XRCC4: variants seen among roughly 807,000 people sequenced by gnomAD.
XRCC4 encodes X-ray repair cross complementing 4, also known as DNA repair protein XRCC4.
Under a neutral mutation model 39.1 loss-of-function variants are expected in XRCC4, and 28 were observed. The ratio of observed to expected loss-of-function variants is 0.72; its 90% CI spans 0.53 to 0.98. The LOEUF (loss-of-function observed/expected upper bound fraction) is 0.98, where lower values mean the gene tolerates loss of function less well. XRCC4 is among the 50% of genes least tolerant of loss of function. The probability of loss-of-function intolerance (pLI) is 0.00; values close to 1 mark genes in which losing one functional copy is unlikely to be tolerated. For synonymous variants in XRCC4, 123 were observed against 126.4 expected (o/e 0.97, Z 0.18); for missense variants, 350 against 376.4 (o/e 0.93, Z 0.58).
rs149944278 is a variant in XRCC4, at chr5:83,096,679, A to G, written c.-10-8231A>G. ...CAGAATTCTTATTGTAGGTGTACACATATAATTTTGGAAACTTTATACCCA... is the reference window on the plus strand; with the variant it reads ...CAGAATTCTTATTGTAGGTGTACACGTATAATTTTGGAAACTTTATACCCA... On this transcript the variant is annotated intron_variant, in intron 1 of 7. Coordinates refer to ENST00000396027, the MANE Select transcript of XRCC4 (RefSeq NM_003401.5). Among the ~76,000 whole-genome samples the G allele has an allele frequency of 7.2e-4, 110 of 152,290 alleles. No homozygotes were observed. In the East Asian group the frequency reaches 0.02, roughly 28 times the overall value.
intron 7 of XRCC4, among the ~76,000 whole-genome samples, chr5:83,339,654 T>C (rs1756697171): frequency 6.6e-6 from 1 of 152,044 alleles, no homozygotes; most frequent in African/African-American, 2.4e-5. Context: ...GCTGTAGAAT[T>C]ATCCTTAGTC....
At chr5:83,365,436 C>T in the XRCC4 span, among the ~76,000 whole-genome samples, 2 of 152,138 alleles carry the variant, frequency 1.3e-5, no homozygotes, top group African/African-American at 2.4e-5. Context: ...AAATGTTTTA[C>T]GACTGCTTCA....
intron 7 of XRCC4, among the ~76,000 whole-genome samples, chr5:83,301,405 AC>A (rs1205448857): frequency 6.6e-6 from 1 of 151,908 alleles, no homozygotes; most frequent in Non-Finnish European, 1.5e-5. Flanking sequence ...CATATCCTTC[AC>A]CCACTTTTTG....
chr5:83,091,435 A>G (rs1436854881), intron 1 of XRCC4, among the ~76,000 whole-genome samples: 1 of 152,134 alleles, frequency 6.6e-6, no homozygotes, highest in Non-Finnish European at 1.5e-5. Flanking sequence ...ATCACCTCCC[A>G]CCAGGTCCTA....
intron 6 of XRCC4, among the ~76,000 whole-genome samples, chr5:83,220,535 G>C (rs779171651): frequency 1.3e-5 from 2 of 152,106 alleles, no homozygotes; most frequent in African/African-American, 2.4e-5. Context: ...ACTTAACTCT[G>C]AGGGCCTGGG....
intron 3 of XRCC4, among the ~76,000 whole-genome samples, chr5:83,147,141 C>T (rs1353188406): frequency 6.6e-6 from 1 of 152,082 alleles, no homozygotes; most frequent in African/African-American, 2.4e-5. Context: ...TGGGTAGAAT[C>T]CATGGGGTGT....
intron 3 of XRCC4, among the ~76,000 whole-genome samples, chr5:83,150,089 T>C (rs1050234579): frequency 6.6e-6 from 1 of 152,190 alleles, no homozygotes; most frequent in African/African-American, 2.4e-5. Flanking sequence ...TTTAATCTTC[T>C]ATTCGTGGCT....
chr5:83,188,007 T>A (rs945645246), intron 3 of XRCC4, among the ~76,000 whole-genome samples: 1 of 152,174 alleles, frequency 6.6e-6, no homozygotes, highest in African/African-American at 2.4e-5. Context: ...AGGGTGTTTT[T>A]TGTTTTGTTT....
intron 7 of XRCC4, among the ~76,000 whole-genome samples, chr5:83,260,992 A>G (rs1055163393): frequency 6.6e-6 from 1 of 151,678 alleles, no homozygotes; most frequent in East Asian, 1.9e-4. Flanking sequence ...ACCCTACTGT[A>G]TAATGCCTCC....
chr5:83,362,052 T>C, the XRCC4 span, among the ~76,000 whole-genome samples: 1 of 152,058 alleles, frequency 6.6e-6, no homozygotes, highest in South Asian at 2.1e-4. Flanking sequence ...CAAATAGTCA[T>C]GTAACATGTT....
intron 3 of XRCC4, among the ~76,000 whole-genome samples, chr5:83,184,389 A>C (rs1750341511): frequency 6.6e-6 from 1 of 152,030 alleles, no homozygotes; most frequent in Non-Finnish European, 1.5e-5. Context: ...CTATTTCATC[A>C]AATAAATTTA....
At chr5:83,208,327 C>A (rs1033704335) in intron 6 of XRCC4, among the ~76,000 whole-genome samples, 2 of 151,832 alleles carry the variant, frequency 1.3e-5, no homozygotes, top group Non-Finnish European at 1.5e-5. Flanking sequence ...ACCTTACTGT[C>A]CCATTTAAAT....
downstream of XRCC4, among the ~76,000 whole-genome samples, chr5:83,358,026 T>C (rs1757209077): frequency 6.6e-6 from 1 of 152,198 alleles, no homozygotes; most frequent in Non-Finnish European, 1.5e-5. Context: ...GAAAATGATA[T>C]AGTAACAAAA....
intron 2 of XRCC4, among the ~76,000 whole-genome samples, chr5:83,110,495 G>A (rs772698889): frequency 1.3e-5 from 2 of 151,900 alleles, no homozygotes; most frequent in African/African-American, 4.8e-5. Context: ...GGAGATGCTC[G>A]TACATTTTAG....
chr5:83,177,798 A>G (rs1262026262), intron 3 of XRCC4, among the ~76,000 whole-genome samples: 4 of 152,164 alleles, frequency 2.6e-5, no homozygotes, highest in African/African-American at 4.8e-5. Flanking sequence ...TTGAGAGGTA[A>G]GGTTCTGACC....
At chr5:83,191,329 G>C (rs1387342463) in intron 3 of XRCC4, among the ~76,000 whole-genome samples, 2 of 152,150 alleles carry the variant, frequency 1.3e-5, no homozygotes, top group Non-Finnish European at 2.9e-5. Context: ...GAACCTGGTG[G>C]GAGGTGATTG....
At chr5:83,270,695 A>G (rs1182228640) in intron 7 of XRCC4, among the ~76,000 whole-genome samples, 1 of 151,824 alleles carries the variant, frequency 6.6e-6, no homozygotes, top group Non-Finnish European at 1.5e-5. Context: ...CATAGGTTAC[A>G]TGCTCTGAAT....
At chr5:83,231,475 A>G (rs935351658) in intron 6 of XRCC4, among the ~76,000 whole-genome samples, 2 of 152,106 alleles carry the variant, frequency 1.3e-5, no homozygotes, top group African/African-American at 4.8e-5. Context: ...TTGCAGTACA[A>G]CTGAATAATT....
chr5:83,123,233 C>T (rs2112450413), intron 3 of XRCC4, among the ~76,000 whole-genome samples: 1 of 152,096 alleles, frequency 6.6e-6, no homozygotes, highest in African/African-American at 2.4e-5. Flanking sequence ...AGGTGTAAAA[C>T]ATTAAGCTTT....
Sources: allele counts gnomAD v4.1 joint callset (sites outside exome capture counted in the v4.1 genomes callset), GRCh38; gene constraint gnomAD v4.1.1; transcripts MANE v1.5; gene names NCBI Gene and HGNC (gene_info 2026-07-23, HGNC 2026-07-21).